The following ARPP21 variants were observed in gnomAD, a reference collection of about 807,000 sequenced individuals.
ARPP21 encodes the protein cAMP regulated phosphoprotein 21.
A neutral mutation model predicts 113.2 loss-of-function variants in ARPP21; 69 were observed. The observed-to-expected ratio is 0.61, with a 90% CI of 0.50 to 0.74. The LOEUF (loss-of-function observed/expected upper bound fraction) is 0.74, where lower values mean the gene tolerates loss of function less well. ARPP21 is among the 30% of genes least tolerant of loss of function. ARPP21 has a pLI of 0.00. For synonymous variants in ARPP21, 368 were observed against 375.5 expected (o/e 0.98, Z 0.23); for missense variants, 1,070 against 1,037.4 (o/e 1.03, Z -0.43).
chr3:35,773,077 C>G (rs1177498905), intron 19 of ARPP21, among the ~76,000 whole-genome samples: 2 of 152,248 alleles, frequency 1.3e-5, no homozygotes, highest in Admixed American at 1.3e-4. Context: ...AGGACTCAAG[C>G]AGGGTCTTGA....
At chr3:35,719,703 G>A (rs2092860267) in intron 13 of ARPP21, among the ~76,000 whole-genome samples, 1 of 152,160 alleles carries the variant, frequency 6.6e-6, no homozygotes, top group Non-Finnish European at 1.5e-5. Flanking sequence ...ACCCCCATAT[G>A]GAGAGCATCC....
intron 19 of ARPP21, among the ~76,000 whole-genome samples, chr3:35,791,619 A>T (rs937467091): frequency 1.3e-5 from 2 of 152,188 alleles, no homozygotes; most frequent in Non-Finnish European, 2.9e-5. Context: ...CTAAAAAAAT[A>T]AAAAAAGACA....
At chr3:35,749,452 GA>G (rs1176978037) in intron 19 of ARPP21, among the ~76,000 whole-genome samples, 1 of 105,052 alleles carries the variant, frequency 9.5e-6, no homozygotes, top group Non-Finnish European at 2.0e-5. Flanking sequence ...AAAAAAAAAG[GA>G]ACTTATAAAA....
At chr3:35,731,396 G>T (rs2093949357) in intron 15 of ARPP21, among the ~76,000 whole-genome samples, 1 of 152,024 alleles carries the variant, frequency 6.6e-6, no homozygotes, top group Admixed American at 6.6e-5. Context: ...CTAAGGAAAA[G>T]GATTTAATAA....
chr3:35,782,464 G>A (rs963919335), intron 19 of ARPP21, among the ~76,000 whole-genome samples: 1 of 152,124 alleles, frequency 6.6e-6, no homozygotes, highest in African/African-American at 2.4e-5. Context: ...TGATGTGACA[G>A]CATTTGGTTG....
At chr3:35,720,389 C>G (rs567615377) in intron 13 of ARPP21, among the ~76,000 whole-genome samples, 5 of 152,280 alleles carry the variant, frequency 3.3e-5, no homozygotes, top group African/African-American at 1.2e-4. Flanking sequence ...TTTCTTTGTA[C>G]TGTCTGTACA....
Position 35,793,717 on chromosome 3 carries a change from G to A in ARPP21, c.2303G>A (p.Gly768Asp). Residue 768 changes from glycine (G) to aspartate (D), a missense_variant, in exon 21 of 21, where the codon GGT becomes GAT. Coordinates refer to ENST00000684406, the MANE Select transcript of ARPP21 (RefSeq NM_001385562.1). ...TTTTTACAGGTGCCAATGACCCAGGGTTCTCAAGGACTGCCCCAGCAGTCA... is the reference window on the plus strand; with the variant it reads ...TTTTTACAGGTGCCAATGACCCAGGATTCTCAAGGACTGCCCCAGCAGTCA... Reference protein sequence around the residue: ...MSSYQVPMTQGSQGLPQQSYQ... With the variant: ...MSSYQVPMTQDSQGLPQQSYQ... 6.2e-7 allele frequency: 1 copy of A among 1,613,712 alleles called. No individual in the cohort carries two copies. The highest frequency in any genetic ancestry group is 1.1e-5 in the South Asian group (1 of 91,072).
chr3:35,710,701 T>C (rs1414394728), intron 11 of ARPP21, among the ~76,000 whole-genome samples: 2 of 152,188 alleles, frequency 1.3e-5, no homozygotes, highest in Non-Finnish European at 2.9e-5. Flanking sequence ...GTTTTTAAAG[T>C]TGTGTCACAT....
chr3:35,765,309 G>A (rs2095926807), intron 19 of ARPP21, among the ~76,000 whole-genome samples: 1 of 152,080 alleles, frequency 6.6e-6, no homozygotes, highest in Non-Finnish European at 1.5e-5. Flanking sequence ...TTTGTGTTGA[G>A]AGAGTGATAG....
chr3:35,713,055 G>A (rs948303683), intron 11 of ARPP21, among the ~76,000 whole-genome samples: 2 of 152,144 alleles, frequency 1.3e-5, no homozygotes, highest in Non-Finnish European at 2.9e-5. Flanking sequence ...GGCATGTGGT[G>A]CCACCAGAGC....
chr3:35,777,788 A>T (rs2096414470), intron 19 of ARPP21, among the ~76,000 whole-genome samples: 1 of 152,196 alleles, frequency 6.6e-6, no homozygotes, highest in South Asian at 2.1e-4. Context: ...AATTCAACAA[A>T]ATGAGTAGTA....
intron 1 of ARPP21, among the ~76,000 whole-genome samples, chr3:35,675,123 G>T (rs559345526): frequency 1.3e-5 from 2 of 148,456 alleles, no homozygotes; most frequent in South Asian, 4.2e-4. Flanking sequence ...AAGCTCCTTT[G>T]CAGCTCTGTG....
intron 5 of ARPP21, chr3:35,685,250 C>T (rs2080208259): frequency 5.1e-6 from 5 of 985,200 alleles, no homozygotes; most frequent in Middle Eastern, 5.2e-4. Context: ...CTAGTGTATC[C>T]ATACAATTGG....
intron 19 of ARPP21, among the ~76,000 whole-genome samples, chr3:35,778,898 G>A (rs1376974151): frequency 6.6e-6 from 1 of 152,178 alleles, no homozygotes; most frequent in Non-Finnish European, 1.5e-5. Context: ...GAGACTGCTT[G>A]CTTTCCTGTT....
chr3:35,683,781 C>A lies in ARPP21; in HGVS notation c.227C>A (p.Ser76Tyr). 1 of 1,555,320 alleles carries A rather than the reference C, an allele frequency of 6.4e-7. No individual in the cohort carries two copies. Among genetic ancestry groups the A allele is most frequent in the Non-Finnish European group, 8.9e-7 (1 of 1,128,182 alleles). Residue 76 changes from serine (S) to tyrosine (Y), a missense_variant, in exon 5 of 21, where the codon TCT becomes TAT. Coordinates refer to ENST00000684406, the MANE Select transcript of ARPP21 (RefSeq NM_001385562.1). ...AGCCTTGCTGTCTGTGAGGAATCTT[C>A]TGCCAGACCAGGAGGTGAAAGTCTT... ...TRSLAVCEES[S>Y]ARPGGESLQD...
At chr3:35,786,033 C>G (rs1048864577) in intron 19 of ARPP21, among the ~76,000 whole-genome samples, 4 of 151,982 alleles carry the variant, frequency 2.6e-5, no homozygotes, top group East Asian at 1.9e-4. Context: ...TGAACTTCAA[C>G]AGCAAAAAAG....
At chr3:35,701,085 T>C (rs1213900185) in intron 9 of ARPP21, among the ~76,000 whole-genome samples, 1 of 151,680 alleles carries the variant, frequency 6.6e-6, no homozygotes, top group Non-Finnish European at 1.5e-5. Context: ...AGATTGGTGA[T>C]AAATCGATCA....
intron 1 of ARPP21, among the ~76,000 whole-genome samples, chr3:35,668,182 A>C (rs2149280455): frequency 6.6e-6 from 1 of 152,272 alleles, no homozygotes; most frequent in African/African-American, 2.4e-5. Flanking sequence ...TTTTGGGGGA[A>C]GAGTATTCCT....
At chr3:35,766,831 ATGTGTG>A (rs10662640) in intron 19 of ARPP21, among the ~76,000 whole-genome samples, 1 of 149,894 alleles carries the variant, frequency 6.7e-6, no homozygotes, top group South Asian at 2.1e-4. Flanking sequence ...TATTATACAT[ATGTGTG>A]TGTGTGTGTG....
Sources: allele counts gnomAD v4.1 joint callset (sites outside exome capture counted in the v4.1 genomes callset), GRCh38; gene constraint gnomAD v4.1.1; transcripts MANE v1.5; gene names NCBI Gene and HGNC (gene_info 2026-07-23, HGNC 2026-07-21).